HAUS6: variants seen among roughly 807,000 people sequenced by gnomAD.
HAUS6 encodes the protein HAUS augmin-like complex subunit 6.
Under a neutral mutation model 106.8 loss-of-function variants are expected in HAUS6, and 80 were observed. The observed-to-expected ratio is 0.75, with a 90% CI of 0.63 to 0.90. The LOEUF (loss-of-function observed/expected upper bound fraction) is 0.90, where lower values mean the gene tolerates loss of function less well. HAUS6 is among the 40% of genes least tolerant of loss of function. HAUS6 has a pLI of 0.00. For missense variants in HAUS6, 1,155 were observed against 1,118.1 expected (o/e 1.03, Z -0.47); for synonymous variants, 356 against 379.1 (o/e 0.94, Z 0.71).
intron 1 of HAUS6, among the ~76,000 whole-genome samples, chr9:19,098,795 G>C (rs927163538): frequency 8.1e-4 from 124 of 152,246 alleles, no homozygotes; most frequent in African/African-American, 2.8e-3. Flanking sequence ...GGCCGAGGCA[G>C]GTGGATCACC....
At position 19,058,744 on chromosome 9, in the gene HAUS6, T is replaced by C. The variant is rs147144205; in HGVS notation, c.2023A>G (p.Ile675Val). The C allele has an allele frequency of 1.5e-5, 24 of 1,614,082 alleles. No individual in the cohort carries two copies. The highest frequency in any genetic ancestry group is 2.7e-5 in the African/African-American group (2 of 74,952). The change falls in exon 16 of 17, where the codon ATA becomes GTA. Residue 675 changes from isoleucine to valine, a missense_variant. Transcript: ENST00000380502. ...VPQKHVLTSH[I>V]DEPPTQNQSD... ...TGATTTTGTGTTGGTGGTTCATCTA[T>C]GTGACTGGTCAGCACATGTTTCTGA...
Position 19,092,841 on chromosome 9 carries a change from C to T in HAUS6, c.436+330G>A, listed in dbSNP as rs1303783142. On this transcript the variant is annotated intron_variant, in intron 4 of 16. Transcript: ENST00000380502. ...TCAGGAGGCTGAGGCAGGAAAATTGCTTGAACCTGGGAGGCAGAGGTTGGA... is the reference window on the plus strand; with the variant it reads ...TCAGGAGGCTGAGGCAGGAAAATTGTTTGAACCTGGGAGGCAGAGGTTGGA... Among the ~76,000 whole-genome samples the T allele has an allele frequency of 2.0e-5, 3 of 149,160 alleles. No individual in the cohort carries two copies. The East Asian group carries it at 5.9e-4, about 29-fold the overall frequency.
chr9:19,058,015 G>C lies in HAUS6; in HGVS notation c.2752C>G (p.Gln918Glu). The C allele has an allele frequency of 6.2e-7, 1 of 1,611,778 alleles. No homozygotes were observed. Among genetic ancestry groups the C allele is most frequent in the Non-Finnish European group, 8.5e-7 (1 of 1,177,908 alleles). ...SPLIKFSPVE[Q>E]RLRTTIACSL... ...CATGCTATTGTGGTTCTCAATCTTT[G>C]TTCCACTGGAGAAAACTTAATTAGT... Residue 918 changes from glutamine (Q) to glutamate (E), a missense_variant, in exon 16 of 17, where the codon CAA (glutamine) becomes GAA (glutamate). Gln to Glu is a conservative substitution (Grantham distance 29). Around this residue, in one of 3 missense-constraint regions of HAUS6, gnomAD observed 380 missense variants for 394.8 expected, o/e 0.96. Transcript: ENST00000380502.
intron 11 of HAUS6, among the ~76,000 whole-genome samples, chr9:19,072,246 C>A (rs1229686886): frequency 6.6e-6 from 1 of 151,410 alleles, no homozygotes; most frequent in East Asian, 1.9e-4. Context: ...GGTACGATGA[C>A]TAACACCTGT....
chr9:19,074,388 C>T (rs562860430), intron 11 of HAUS6, among the ~76,000 whole-genome samples: 2 of 152,262 alleles, frequency 1.3e-5, no homozygotes, highest in South Asian at 4.1e-4. Flanking sequence ...TCTCCTGCCT[C>T]AGCCTCCTGA....
chr9:19,062,889 C>A, intron 14 of HAUS6, 119 bp downstream of exon 14: 1 of 771,354 alleles, frequency 1.3e-6, no homozygotes, highest in South Asian at 1.6e-5. Flanking sequence ...TGGTCTCGAA[C>A]TTCTGGGCTC....
intron 2 of HAUS6, among the ~76,000 whole-genome samples, chr9:19,096,159 T>G (rs932860210): frequency 6.6e-6 from 1 of 152,158 alleles, no homozygotes. Context: ...TTTTAAGATA[T>G]GTACCAAAGA....
At chr9:19,070,551 C>G (rs961095319) in intron 11 of HAUS6, among the ~76,000 whole-genome samples, 2 of 152,150 alleles carry the variant, frequency 1.3e-5, no homozygotes, top group East Asian at 3.8e-4. Context: ...GACTAAGAAT[C>G]CATAATTCCC....
chr9:19,091,287 G>T (rs926971844), intron 4 of HAUS6, among the ~76,000 whole-genome samples: 1 of 148,366 alleles, frequency 6.7e-6, no homozygotes, highest in Non-Finnish European at 1.5e-5. Context: ...GCAACAGAGT[G>T]AGACTTCGTC....
Position 19,078,530 on chromosome 9 carries a change from G to A in HAUS6, c.1065-228C>T, listed in dbSNP as rs149599092. On this transcript the variant is annotated intron_variant, in intron 9 of 16. Coordinates refer to ENST00000380502, the MANE Select transcript of HAUS6 (RefSeq NM_017645.5). ...AGGCCGGGGGCAGTGTCTCATGCCT[G>A]TAATCCCAGCAGTTTGGGAGGCCAA... Among the ~76,000 whole-genome samples, 633 of 152,228 alleles carry A rather than the reference G, an allele frequency of 4.2e-3. 3 individuals are homozygous for A. Among genetic ancestry groups the A allele is most frequent in the African/African-American group, 0.015 (608 of 41,540 alleles).
At chr9:19,080,787 G>A (rs915997262) in intron 8 of HAUS6, 115 bp from the exon 9 acceptor site, 3 of 654,414 alleles carry the variant, frequency 4.6e-6, no homozygotes, top group Middle Eastern at 8.4e-4. Flanking sequence ...AGAGGGAAAG[G>A]CCAGACGCAA....
chr9:19,084,184 A>G (rs1446086275), intron 7 of HAUS6, among the ~76,000 whole-genome samples: 1 of 152,236 alleles, frequency 6.6e-6, no homozygotes, highest in Non-Finnish European at 1.5e-5. Flanking sequence ...ACTAAGCAGC[A>G]ATGAGAATAA....
chr9:19,091,358 C>A (rs1817742991), intron 4 of HAUS6, among the ~76,000 whole-genome samples: 1 of 151,032 alleles, frequency 6.6e-6, no homozygotes, highest in Non-Finnish European at 1.5e-5. Flanking sequence ...AATGAGTGTA[C>A]CGAATTTAGA....
chr9:19,073,504 T>G (rs1456555098), intron 11 of HAUS6, among the ~76,000 whole-genome samples: 1 of 151,414 alleles, frequency 6.6e-6, no homozygotes, highest in African/African-American at 2.4e-5. Flanking sequence ...TAAAGGCAAG[T>G]AGAGAAACCT....
rs113083248 is a variant in HAUS6 at position 19,073,422 on chromosome 9, GA to G, written c.1295-3123del. On this transcript the variant is annotated intron_variant, in intron 11 of 16. Coordinates refer to ENST00000380502, the MANE Select transcript of HAUS6 (RefSeq NM_017645.5). ...AGCTCAGATCAAGGTTCTATACTAGGAAAAAAAAAAAGGACTCCCAAGAGTA... is the reference window on the plus strand; with the variant it reads ...AGCTCAGATCAAGGTTCTATACTAGGAAAAAAAAAAGGACTCCCAAGAGTA... Among the ~76,000 whole-genome samples the G allele has an allele frequency of 5.1e-3, 745 of 146,132 alleles. 3 individuals are homozygous for G. The highest frequency in any genetic ancestry group is 0.015 in the African/African-American group (611 of 40,426).
chr9:19,092,457 A>C (rs1217935975), intron 4 of HAUS6, among the ~76,000 whole-genome samples: 1 of 151,678 alleles, frequency 6.6e-6, no homozygotes, highest in Non-Finnish European at 1.5e-5. Context: ...CTCTACTAAA[A>C]ATACAAAATT....
chr9:19,090,434 G>A (rs10963954), intron 4 of HAUS6, among the ~76,000 whole-genome samples: 2 of 152,082 alleles, frequency 1.3e-5, no homozygotes, highest in East Asian at 3.9e-4. Flanking sequence ...GCGTGATCTC[G>A]GCTCACTGCA....
chr9:19,098,432 G>T, intron 1 of HAUS6, among the ~76,000 whole-genome samples: 1 of 87,000 alleles, frequency 1.1e-5, no homozygotes, highest in African/African-American at 5.3e-5. Context: ...GCAAGACTTC[G>T]TCTCAAAAAA....
intron 15 of HAUS6, 178 bp downstream of exon 15, chr9:19,059,910 A>G: frequency 2.0e-6 from 1 of 490,448 alleles, no homozygotes. Flanking sequence ...GAGTACACTG[A>G]AGGCACAAAA....
Sources: allele counts gnomAD v4.1 joint callset (sites outside exome capture counted in the v4.1 genomes callset), GRCh38; gene constraint gnomAD v4.1.1; regional missense constraint gnomAD v4.1.1; transcripts MANE v1.5; gene names NCBI Gene and HGNC (gene_info 2026-07-23, HGNC 2026-07-21).